The following BOLA3 variants were observed in gnomAD, a reference collection of about 807,000 sequenced individuals.
The protein encoded by BOLA3 is bolA-like protein 3.
In BOLA3, 8 loss-of-function variants were observed where a neutral mutation model predicts 14.5. The observed-to-expected ratio is 0.55, with a 90% CI of 0.32 to 0.99. The LOEUF (loss-of-function observed/expected upper bound fraction) is 0.99, where lower values mean the gene tolerates loss of function less well. BOLA3 is among the 50% of genes least tolerant of loss of function. The pLI is 0.04. For missense variants in BOLA3, 115 were observed against 138.2 expected, an observed-to-expected ratio of 0.83 and a Z score of 0.84; for synonymous variants, 42 against 45.7, an observed-to-expected ratio of 0.92 and a Z score of 0.33.
intron 2 of BOLA3, among the ~76,000 whole-genome samples, chr2:74,142,905 C>G (rs1434708897): frequency 6.6e-6 from 1 of 152,204 alleles, no homozygotes; most frequent in Non-Finnish European, 1.5e-5. Flanking sequence ...GCTGGGTCCA[C>G]AGCACAGCAT....
chr2:74,147,651 G>C (rs1692571166), intron 1 of BOLA3, 170 bp downstream of exon 1: 4 of 702,008 alleles, frequency 5.7e-6, no homozygotes, highest in Non-Finnish European at 9.6e-6. Flanking sequence ...TTGTCGCTGA[G>C]TGAATGAATG....
intron 3 of BOLA3, among the ~76,000 whole-genome samples, chr2:74,138,196 G>T (rs1415095653): frequency 6.6e-6 from 1 of 152,242 alleles, no homozygotes; most frequent in Non-Finnish European, 1.5e-5. Context: ...CCCTGCTGGG[G>T]GAAGTGACTT....
intron 3 of BOLA3, among the ~76,000 whole-genome samples, chr2:74,136,924 T>C (rs1236748065): frequency 6.6e-6 from 1 of 152,172 alleles, no homozygotes; most frequent in Non-Finnish European, 1.5e-5. Context: ...AAATAGATAT[T>C]TGGCCCCTGT....
chr2:74,137,731 G>C (rs1692360885), intron 3 of BOLA3, among the ~76,000 whole-genome samples: 1 of 152,190 alleles, frequency 6.6e-6, no homozygotes, highest in Admixed American at 6.5e-5. Context: ...GGGAGCTCCT[G>C]TTGTGTTGGG....
intron 2 of BOLA3, among the ~76,000 whole-genome samples, chr2:74,143,310 C>T (rs1332311159): frequency 7.2e-6 from 1 of 138,084 alleles, no homozygotes; most frequent in East Asian, 2.0e-4. Context: ...CACACACCAT[C>T]ATGCCCAGCT....
At chr2:74,138,365 T>C (rs1225947939) in intron 3 of BOLA3, among the ~76,000 whole-genome samples, 1 of 152,180 alleles carries the variant, frequency 6.6e-6, no homozygotes, top group Admixed American at 6.5e-5. Context: ...ATGGGCTGAA[T>C]GTGGGCAGCA....
intron 3 of BOLA3, among the ~76,000 whole-genome samples, chr2:74,137,804 G>A (rs1229125590): frequency 2.0e-5 from 3 of 152,134 alleles, no homozygotes; most frequent in African/African-American, 7.2e-5. Context: ...TCAAGTGCAG[G>A]GCCCTCAACT....
intron 3 of BOLA3, among the ~76,000 whole-genome samples, chr2:74,138,211 G>A (rs1195869064): frequency 2.6e-5 from 4 of 152,366 alleles, no homozygotes; most frequent in African/African-American, 2.4e-5. Flanking sequence ...TGACTTGGCC[G>A]AAGTCCCATG....
rs113946249 is a variant in BOLA3, at chr2:74,145,095, G to C, written c.169+94C>G. ...ACACATCTTGAGAAGCCACTCACCA[G>C]CAGCAAGCCCCCTCCTCCAAGCCCC... is the stretch of plus-strand genomic sequence containing the variant. On this transcript the variant is annotated intron_variant, in intron 2 of 3. Coordinates refer to ENST00000327428, the MANE Select transcript of BOLA3 (RefSeq NM_212552.3). 142 of 776,946 alleles carry C rather than the reference G, an allele frequency of 1.8e-4. 1 individual carries two copies. In the African/African-American group the frequency reaches 1.8e-3, roughly 10 times the overall value. 48.1% of individuals were successfully genotyped at this position (776,946 alleles called of 1,614,324 possible).
intron 3 of BOLA3, among the ~76,000 whole-genome samples, chr2:74,138,668 C>T (rs764081949): frequency 1.3e-5 from 2 of 152,166 alleles, no homozygotes; most frequent in Non-Finnish European, 2.9e-5. Context: ...TTCTGGGCAA[C>T]CAGGGGAGCC....
At chr2:74,139,336 G>A (rs1371010417) in intron 3 of BOLA3, among the ~76,000 whole-genome samples, 1 of 152,056 alleles carries the variant, frequency 6.6e-6, no homozygotes, top group South Asian at 2.1e-4. Context: ...ACCCCGTCAG[G>A]ACACCAGGCC....
chr2:74,144,835 AT>A (rs1194804926), intron 2 of BOLA3, among the ~76,000 whole-genome samples: 2 of 152,198 alleles, frequency 1.3e-5, no homozygotes, highest in Non-Finnish European at 2.9e-5. Context: ...CAGCTCTGAT[AT>A]CCTAGGGTGT....
intron 3 of BOLA3, among the ~76,000 whole-genome samples, chr2:74,138,677 C>T (rs976130322): frequency 7.9e-5 from 12 of 152,206 alleles, no homozygotes; most frequent in African/African-American, 2.4e-4. Flanking sequence ...ACCAGGGGAG[C>T]CACGTAAAGG....
intron 2 of BOLA3, among the ~76,000 whole-genome samples, chr2:74,143,160 TTC>T (rs1487480415): frequency 7.7e-6 from 1 of 130,346 alleles, no homozygotes; most frequent in Non-Finnish European, 1.8e-5. Context: ...TTTGCTCTGC[TTC>T]TTTTTTTTTT....
At chr2:74,145,123 AC>A (rs371692910) in intron 2 of BOLA3, 65 bp downstream of exon 2, 482 of 886,108 alleles carry the variant, frequency 5.4e-4, no homozygotes, top group Non-Finnish European at 8.1e-4. Flanking sequence ...CAAGCCCCTG[AC>A]CCTCTGTCCT....
At chr2:74,144,324 T>C (rs1301454912) in intron 2 of BOLA3, among the ~76,000 whole-genome samples, 2 of 152,246 alleles carry the variant, frequency 1.3e-5, no homozygotes, top group South Asian at 2.1e-4. Context: ...GATCTTTAGA[T>C]TGATTTATTT....
intron 2 of BOLA3, among the ~76,000 whole-genome samples, chr2:74,143,030 G>A (rs1236536260): frequency 6.6e-6 from 1 of 152,196 alleles, no homozygotes; most frequent in Non-Finnish European, 1.5e-5. Flanking sequence ...TGGAGAGCTG[G>A]TGCTGATGAC....
At chr2:74,135,989 G>A (rs1483648929) in intron 3 of BOLA3, among the ~76,000 whole-genome samples, 1 of 144,350 alleles carries the variant, frequency 6.9e-6, no homozygotes, top group African/African-American at 2.6e-5. Context: ...TCGCTCTAGC[G>A]CCGAAGTTGG....
chr2:74,135,751 G>A, intron 3 of BOLA3, 93 bp from the exon 4 acceptor site: 1 of 985,388 alleles, frequency 1.0e-6, no homozygotes, highest in Non-Finnish European at 1.6e-6. Context: ...TGCATCTGAA[G>A]GAGACTTTGT....
Sources: allele counts gnomAD v4.1 joint callset (sites outside exome capture counted in the v4.1 genomes callset), GRCh38; gene constraint gnomAD v4.1.1; transcripts MANE v1.5; gene names NCBI Gene and HGNC (gene_info 2026-07-23, HGNC 2026-07-21).